LRP1B: variants seen among roughly 807,000 people sequenced by gnomAD.
LRP1B encodes low-density lipoprotein receptor-related protein 1B.
Under a neutral mutation model 556.6 loss-of-function variants are expected in LRP1B, and 217 were observed. The ratio of observed to expected loss-of-function variants is 0.39; its 90% CI spans 0.35 to 0.44. LRP1B has a LOEUF of 0.44. LRP1B is among the 20% of genes least tolerant of loss of function. The probability of loss-of-function intolerance (pLI) is 1.00; values close to 1 mark genes in which losing one functional copy is unlikely to be tolerated. For missense variants in LRP1B, 5,053 were observed against 5,620.8 expected (o/e 0.90, Z 3.23); for synonymous variants, 2,047 against 1,865.8 (o/e 1.10, Z -2.50).
intron 2 of LRP1B, among the ~76,000 whole-genome samples, chr2:141,618,097 G>A (rs1019366315): frequency 6.6e-6 from 1 of 152,108 alleles, no homozygotes; most frequent in African/African-American, 2.4e-5. Flanking sequence ...ATGCTCTTAT[G>A]GGCATGTATG....
chr2:141,810,106 A>G, intron 2 of LRP1B, among the ~76,000 whole-genome samples, 173 bp downstream of exon 2: 1 of 132,656 alleles, frequency 7.5e-6, no homozygotes, highest in South Asian at 2.5e-4. Context: ...AAAGAAAGAA[A>G]GAAAGAAAAA....
intron 7 of LRP1B, among the ~76,000 whole-genome samples, chr2:141,085,506 G>C (rs1418937512): frequency 6.6e-6 from 1 of 152,084 alleles, no homozygotes; most frequent in Non-Finnish European, 1.5e-5. Context: ...CACACACCGA[G>C]GAAAGACCAC....
chr2:140,398,304 C>T (rs762024654), intron 66 of LRP1B, among the ~76,000 whole-genome samples: 5 of 151,988 alleles, frequency 3.3e-5, no homozygotes, highest in Non-Finnish European at 4.4e-5. Context: ...AGGGGAGATA[C>T]TCATAAAATC....
intron 12 of LRP1B, 116 bp from the exon 13 acceptor site, chr2:141,016,031 C>T: frequency 1.3e-6 from 1 of 756,140 alleles, no homozygotes; most frequent in South Asian, 1.6e-5. Flanking sequence ...GATTTGTCCT[C>T]CTATCTAAGT....
intron 1 of LRP1B, among the ~76,000 whole-genome samples, chr2:141,927,557 G>A (rs762548972): frequency 3.9e-5 from 6 of 151,936 alleles, no homozygotes; most frequent in Non-Finnish European, 7.4e-5. Context: ...CCTAATCAGT[G>A]CCATGCTTCT....
intron 37 of LRP1B, among the ~76,000 whole-genome samples, chr2:140,711,318 C>T (rs1351532093): frequency 6.6e-6 from 1 of 151,878 alleles, no homozygotes; most frequent in African/African-American, 2.4e-5. Context: ...CTCATAGTAC[C>T]TCATCTTTAT....
At chr2:141,758,930 C>A (rs1027863706) in intron 2 of LRP1B, among the ~76,000 whole-genome samples, 7 of 152,038 alleles carry the variant, frequency 4.6e-5, no homozygotes, top group African/African-American at 1.7e-4. Flanking sequence ...AGTATATTTT[C>A]ATGAATCAAA....
chr2:140,538,360 C>G (rs1246542262), intron 45 of LRP1B, among the ~76,000 whole-genome samples: 2 of 152,006 alleles, frequency 1.3e-5, no homozygotes, highest in Admixed American at 1.3e-4. Context: ...AATTTTTCAA[C>G]CTTTGTCCAC....
chr2:141,746,808 T>C (rs558904441), intron 2 of LRP1B, among the ~76,000 whole-genome samples: 1 of 152,172 alleles, frequency 6.6e-6, no homozygotes, highest in Non-Finnish European at 1.5e-5. Flanking sequence ...AATGTCATAT[T>C]AATACCCTTA....
rs551803332 is a variant in LRP1B at position 141,526,819 on chromosome 2, T to C, written c.206-46286A>G. 9.9e-4 allele frequency among the ~76,000 whole-genome samples: 151 copies of C among 152,252 alleles called. 2 individuals carry two copies. Among genetic ancestry groups the C allele is most frequent in the South Asian group, 1.7e-3 (8 of 4,822 alleles). On this transcript the variant is annotated intron_variant, in intron 2 of 90. Transcript: ENST00000389484. ...TGCTAGTCTCTATTTTTCCTGTTTTTCTTTGAATGCATAAAAATAAACAAG... is the reference window on the plus strand; with the variant it reads ...TGCTAGTCTCTATTTTTCCTGTTTTCCTTTGAATGCATAAAAATAAACAAG...
intron 1 of LRP1B, among the ~76,000 whole-genome samples, chr2:141,931,649 A>T (rs759850722): frequency 4.5e-4 from 68 of 151,958 alleles, no homozygotes; most frequent in Non-Finnish European, 8.8e-4. Context: ...GGTTTAAAAA[A>T]TTTTTCATTT....
chr2:140,297,737 G>T (rs902475912), intron 84 of LRP1B, 71 bp downstream of exon 84: 2 of 1,463,740 alleles, frequency 1.4e-6, no homozygotes, highest in Non-Finnish European at 1.9e-6. Context: ...GATAATGGAA[G>T]GAGTGGATAC....
intron 7 of LRP1B, among the ~76,000 whole-genome samples, chr2:141,100,877 C>A (rs565620501): frequency 1.3e-5 from 2 of 152,016 alleles, no homozygotes; most frequent in Non-Finnish European, 2.9e-5. Flanking sequence ...CCTGGAAAAA[C>A]AACATGGAGA....
At chr2:141,137,513 A>G (rs1188116363) in intron 7 of LRP1B, among the ~76,000 whole-genome samples, 1 of 151,980 alleles carries the variant, frequency 6.6e-6, no homozygotes, top group Non-Finnish European at 1.5e-5. Context: ...CTACAAAATG[A>G]TGTTTTGAAG....
intron 41 of LRP1B, among the ~76,000 whole-genome samples, chr2:140,643,132 G>C (rs1047802542): frequency 2.6e-5 from 4 of 151,820 alleles, no homozygotes; most frequent in Non-Finnish European, 5.9e-5. Context: ...TTACAATTCT[G>C]ATTATAAAAT....
intron 11 of LRP1B, among the ~76,000 whole-genome samples, chr2:141,026,219 A>T (rs1698213804): frequency 6.6e-6 from 1 of 152,102 alleles, no homozygotes; most frequent in Non-Finnish European, 1.5e-5. Context: ...AAATTATTCA[A>T]TCTCTTTCAT....
chr2:141,539,474 A>G (rs1246722546), intron 2 of LRP1B, among the ~76,000 whole-genome samples: 1 of 152,142 alleles, frequency 6.6e-6, no homozygotes. Flanking sequence ...GGTATTTCTA[A>G]GTTTTCCAAA....
intron 1 of LRP1B, among the ~76,000 whole-genome samples, chr2:141,893,395 T>C (rs1474472137): frequency 6.6e-6 from 1 of 152,128 alleles, no homozygotes; most frequent in Non-Finnish European, 1.5e-5. Flanking sequence ...GAGCCGGAGT[T>C]TTACCATGTT....
intron 2 of LRP1B, among the ~76,000 whole-genome samples, chr2:141,555,222 CAAG>C (rs1213296591): frequency 6.6e-6 from 1 of 151,900 alleles, no homozygotes; most frequent in Non-Finnish European, 1.5e-5. Flanking sequence ...TAAGTACAAA[CAAG>C]GAGCTGGTGA....
Sources: gnomAD v4.1 joint callset for allele counts (sites outside exome capture counted in the v4.1 genomes callset) on GRCh38, gnomAD v4.1.1 for gene constraint, MANE v1.5 for transcripts, NCBI Gene and HGNC (gene_info 2026-07-23, HGNC 2026-07-21) for gene names.